CIB2: variants seen among roughly 807,000 people sequenced by gnomAD.
CIB2 encodes calcium and integrin binding family member 2, also known as calcium and integrin-binding family member 2.
CIB2 carries 19 observed loss-of-function variants against 23.1 expected under a neutral mutation model. That is an observed-to-expected ratio of 0.82 (90% confidence interval 0.57 to 1.21). The LOEUF is 1.21. CIB2 is among the 50% of genes most tolerant of loss of function. The probability of loss-of-function intolerance (pLI) is 0.00; values close to 1 mark genes in which losing one functional copy is unlikely to be tolerated. For missense variants in CIB2, 220 were observed against 241.5 expected (o/e 0.91, Z 0.59); for synonymous variants, 94 against 91.7 (o/e 1.03, Z -0.14).
At chr15:78,111,098 T>C (rs2074151668) in intron 3 of CIB2, 67 bp downstream of exon 3, 1 of 1,372,994 alleles carries the variant, frequency 7.3e-7, no homozygotes, top group South Asian at 1.2e-5. Context: ...AGCCTAGACC[T>C]GGGGGCCTCT....
chr15:78,117,887 A>G (rs2074261983), intron 2 of CIB2, among the ~76,000 whole-genome samples: 1 of 152,236 alleles, frequency 6.6e-6, no homozygotes, highest in Non-Finnish European at 1.5e-5. Flanking sequence ...GGGAGGAAAA[A>G]GCAAAAGTCT....
intron 2 of CIB2, among the ~76,000 whole-genome samples, chr15:78,112,109 C>T (rs1028914312): frequency 1.3e-5 from 2 of 152,176 alleles, no homozygotes; most frequent in African/African-American, 4.8e-5. Flanking sequence ...GCTGCATGGA[C>T]CCTCAAAGGT....
At chr15:78,119,905 C>CTT (rs528202535) in intron 2 of CIB2, among the ~76,000 whole-genome samples, 190 of 143,094 alleles carry the variant, frequency 1.3e-3, no homozygotes, top group African/African-American at 4.5e-3. Flanking sequence ...TACCATCTGC[C>CTT]TTTTTTTTTT....
At chr15:78,129,092 G>T (rs888842658) in intron 1 of CIB2, among the ~76,000 whole-genome samples, 3 of 152,122 alleles carry the variant, frequency 2.0e-5, no homozygotes, top group Admixed American at 2.0e-4. Context: ...CCGGCACCGG[G>T]AACCAAGAGG....
Position 78,120,443 on chromosome 15 carries a change from A to G in CIB2, c.86+3262T>C, listed in dbSNP as rs74024168. 1.5e-3 allele frequency: 893 copies of G among 584,396 alleles called. 11 individuals are homozygous for G. The African/African-American group carries it at 0.017, about 11-fold the overall frequency. 36.2% of individuals were successfully genotyped at this position (584,396 alleles called of 1,614,324 possible). ...ATAAACAATAAAATAACAAGTAGGCAAATACCTTGGAGTGCTGGCTGGGTG... is the reference window on the plus strand; with the variant it reads ...ATAAACAATAAAATAACAAGTAGGCGAATACCTTGGAGTGCTGGCTGGGTG... On this transcript the variant is annotated intron_variant, in intron 2 of 5. Coordinates refer to ENST00000258930, the MANE Select transcript of CIB2 (RefSeq NM_006383.4).
intron 2 of CIB2, among the ~76,000 whole-genome samples, chr15:78,112,630 T>C (rs2074177311): frequency 6.6e-6 from 1 of 152,198 alleles, no homozygotes; most frequent in South Asian, 2.1e-4. Flanking sequence ...GGGCATTGAC[T>C]GTGGGCTGAG....
At chr15:78,126,691 C>G (rs1202126395) in intron 1 of CIB2, among the ~76,000 whole-genome samples, 1 of 152,210 alleles carries the variant, frequency 6.6e-6, no homozygotes, top group Admixed American at 6.5e-5. Context: ...ACAGCAGTTA[C>G]GTTATTTCAG....
chr15:78,105,580 G>T, intron 5 of CIB2, 159 bp downstream of exon 5: 1 of 1,499,452 alleles, frequency 6.7e-7, no homozygotes, highest in Non-Finnish European at 8.9e-7. Flanking sequence ...GGGGACAAAG[G>T]CCAGTCACAC....
At chr15:78,129,123 G>T (rs901546372) in intron 1 of CIB2, among the ~76,000 whole-genome samples, 3 of 152,068 alleles carry the variant, frequency 2.0e-5, no homozygotes, top group African/African-American at 7.2e-5. Flanking sequence ...CCCAGGAAAG[G>T]TTAGACTACC....
intron 2 of CIB2, among the ~76,000 whole-genome samples, chr15:78,120,150 G>A (rs1225863342): frequency 6.6e-6 from 1 of 151,910 alleles, no homozygotes; most frequent in Non-Finnish European, 1.5e-5. Flanking sequence ...GTAATCCACC[G>A]GCCTCGGCCT....
At chr15:78,106,777 T>C (rs1275108359) in intron 4 of CIB2, among the ~76,000 whole-genome samples, 1 of 152,154 alleles carries the variant, frequency 6.6e-6, no homozygotes, top group East Asian at 1.9e-4. Flanking sequence ...ATAAGGGTCC[T>C]CTTCCCCGCA....
chr15:78,109,104 C>T, intron 4 of CIB2, 131 bp downstream of exon 4: 1 of 1,066,774 alleles, frequency 9.4e-7, no homozygotes. Flanking sequence ...TGGACAGGCA[C>T]TCTTCAGAGG....
intron 1 of CIB2, among the ~76,000 whole-genome samples, chr15:78,125,171 C>T (rs1169290392): frequency 6.6e-6 from 1 of 152,198 alleles, no homozygotes; most frequent in Non-Finnish European, 1.5e-5. Flanking sequence ...CCTCACCCAA[C>T]ACAGACAGAA....
At chr15:78,110,261 CCCAGG>C (rs1344119163) in intron 3 of CIB2, among the ~76,000 whole-genome samples, 1 of 152,252 alleles carries the variant, frequency 6.6e-6, no homozygotes, top group Non-Finnish European at 1.5e-5. Flanking sequence ...CCGTGCCCAG[CCCAGG>C]CCAGTGCGGG....
chr15:78,130,346 G>A (rs932331259), intron 1 of CIB2, among the ~76,000 whole-genome samples: 12 of 152,192 alleles, frequency 7.9e-5, no homozygotes, highest in African/African-American at 2.9e-4. Context: ...ATGGTTTTAA[G>A]GCGGCTGCCA....
rs1429328135 is a variant in CIB2, at chr15:78,105,188, G to A, written c.*123C>T. 5.3e-6 allele frequency: 7 copies of A among 1,329,030 alleles called. No individual in the cohort carries two copies. In the East Asian group the frequency reaches 1.2e-4, roughly 23 times the overall value. The allele number at this position is 1,329,030 out of a possible 1,614,324, so 82.3% of individuals were successfully genotyped here. ...TTTTTTTTTGCTGAAAGGGCCACAGGATATATTTGTGGTGTAAACCCCAGA... is the reference window on the plus strand; with the variant it reads ...TTTTTTTTTGCTGAAAGGGCCACAGAATATATTTGTGGTGTAAACCCCAGA... On this transcript the variant is annotated 3_prime_UTR_variant, in exon 6 of 6. Coordinates refer to ENST00000258930, the MANE Select transcript of CIB2 (RefSeq NM_006383.4).
At chr15:78,121,823 C>T (rs2074323240) in intron 2 of CIB2, among the ~76,000 whole-genome samples, 1 of 152,208 alleles carries the variant, frequency 6.6e-6, no homozygotes, top group Non-Finnish European at 1.5e-5. Context: ...ACTAAAACAA[C>T]CACCAAAGGC....
At chr15:78,109,477 T>A (rs966004236) in intron 3 of CIB2, 95 bp from the exon 4 acceptor site, 5 of 1,405,512 alleles carry the variant, frequency 3.6e-6, no homozygotes, top group Non-Finnish European at 4.0e-6. Flanking sequence ...CCTGGAGGAG[T>A]GACCAAATCC....
intron 2 of CIB2, chr15:78,120,817 G>A (rs1422009524): frequency 1.2e-6 from 1 of 852,776 alleles, no homozygotes; most frequent in Non-Finnish European, 1.4e-6. Context: ...TACGCAGGGA[G>A]CAGCTTACCA....
Sources: gnomAD v4.1 joint callset for allele counts (sites outside exome capture counted in the v4.1 genomes callset) on GRCh38, gnomAD v4.1.1 for gene constraint, MANE v1.5 for transcripts, NCBI Gene and HGNC (gene_info 2026-07-23, HGNC 2026-07-21) for gene names.